Variants in IL1RAPL1 observed in about 807,000 individuals in gnomAD.
IL1RAPL1 encodes interleukin-1 receptor accessory protein-like 1.
A neutral mutation model predicts 48.4 loss-of-function variants in IL1RAPL1; 3 were observed. The ratio of observed to expected loss-of-function variants is 0.06; its 90% CI spans 0.03 to 0.16. The LOEUF is 0.16. Ranked by LOEUF, IL1RAPL1 falls within the 10% of genes least tolerant of loss-of-function variation. The pLI is 1.00. For synonymous variants in IL1RAPL1, 185 were observed against 187.7 expected, an observed-to-expected ratio of 0.99 and a Z score of 0.12; for missense variants, 349 against 530.6, an observed-to-expected ratio of 0.66 and a Z score of 3.36.
At chrX:29,451,379 G>C (rs2147726829) in intron 5 of IL1RAPL1, among the ~76,000 whole-genome samples, 1 of 109,424 alleles carries the variant, frequency 9.1e-6, no homozygotes, top group East Asian at 2.9e-4. Flanking sequence ...ATTTTTAATA[G>C]AGACGGGGTT....
At chrX:29,635,769 G>C (rs139236590) in intron 5 of IL1RAPL1, among the ~76,000 whole-genome samples, 12,001 of 107,652 alleles carry the variant, frequency 0.11, 538 homozygotes, top group East Asian at 0.23. Flanking sequence ...AAATTTAGAT[G>C]TTAAATATGT....
intron 1 of IL1RAPL1, among the ~76,000 whole-genome samples, chrX:28,743,371 C>A (rs1421276006): frequency 9.0e-6 from 1 of 111,417 alleles, no homozygotes; most frequent in Non-Finnish European, 1.9e-5. Flanking sequence ...ATGACTTTTC[C>A]GAAACATAAT....
chrX:29,901,830 A>G (rs1932501742), intron 6 of IL1RAPL1, among the ~76,000 whole-genome samples: 1 of 112,613 alleles, frequency 8.9e-6, no homozygotes, highest in Non-Finnish European at 1.9e-5. Flanking sequence ...TGTAATTAAA[A>G]GAGCAGAAAT....
At chrX:29,385,172 C>T (rs1933758687) in intron 3 of IL1RAPL1, among the ~76,000 whole-genome samples, 1 of 112,126 alleles carries the variant, frequency 8.9e-6, no homozygotes, top group South Asian at 3.7e-4. Context: ...AAATTATTTA[C>T]CCATGGGCGC....
chrX:28,858,708 C>A (rs1329912473), intron 2 of IL1RAPL1, among the ~76,000 whole-genome samples: 1 of 112,490 alleles, frequency 8.9e-6, no homozygotes, highest in Non-Finnish European at 1.9e-5. Flanking sequence ...AAAATTTGCG[C>A]AACTCGCGTT....
chrX:28,764,119 G>A (rs1270803791), intron 1 of IL1RAPL1, among the ~76,000 whole-genome samples: 1 of 111,039 alleles, frequency 9.0e-6, no homozygotes, highest in Non-Finnish European at 1.9e-5. Flanking sequence ...CCTCATCCTT[G>A]CCTGTTCTGG....
intron 2 of IL1RAPL1, among the ~76,000 whole-genome samples, chrX:28,847,136 T>C (rs1250274463): frequency 9.0e-6 from 1 of 111,629 alleles, no homozygotes; most frequent in Non-Finnish European, 1.9e-5. Context: ...GTAGTAACTT[T>C]ATCCTTTCAG....
chrX:29,476,652 A>T (rs1254183562), intron 5 of IL1RAPL1, among the ~76,000 whole-genome samples: 1 of 110,095 alleles, frequency 9.1e-6, no homozygotes, highest in Non-Finnish European at 1.9e-5. Flanking sequence ...TGATGCCTTA[A>T]TATTAACTGA....
chrX:28,878,018 A>G (rs2147312432), intron 2 of IL1RAPL1, among the ~76,000 whole-genome samples: 1 of 112,461 alleles, frequency 8.9e-6, no homozygotes, highest in Admixed American at 9.5e-5. Context: ...CATAATGCAG[A>G]TATTGTCAAG....
At chrX:29,642,971 T>A (rs1051607283) in intron 5 of IL1RAPL1, among the ~76,000 whole-genome samples, 3 of 112,086 alleles carry the variant, frequency 2.7e-5, no homozygotes, top group African/African-American at 9.7e-5. Flanking sequence ...CAGCAATTTA[T>A]CAGACTCGAC....
chrX:29,837,272 A>AAATATATAT (rs1447926305), intron 6 of IL1RAPL1, among the ~76,000 whole-genome samples: 5 of 72,124 alleles, frequency 6.9e-5, no homozygotes, highest in African/African-American at 2.9e-4. Flanking sequence ...AAAAAAAAAA[A>AAATATATAT]ATATATATAT....
At chrX:29,775,143 G>C (rs957558000) in intron 6 of IL1RAPL1, among the ~76,000 whole-genome samples, 1 of 111,501 alleles carries the variant, frequency 9.0e-6, no homozygotes, top group African/African-American at 3.3e-5. Flanking sequence ...CAAGGGCTAT[G>C]AGCTTGAGAG....
chrX:29,603,440 C>T (rs1055715551), intron 5 of IL1RAPL1, among the ~76,000 whole-genome samples: 1 of 111,824 alleles, frequency 8.9e-6, no homozygotes, highest in African/African-American at 3.3e-5. Flanking sequence ...GTTAGCTGAT[C>T]TTAGGAAACC....
chrX:28,958,733 C>T (rs1047569736), intron 2 of IL1RAPL1, among the ~76,000 whole-genome samples: 3 of 111,564 alleles, frequency 2.7e-5, no homozygotes, highest in African/African-American at 9.8e-5. Context: ...CAAACAGACC[C>T]CCACCAACAG....
chrX:28,657,599 C>A (rs895841821), intron 1 of IL1RAPL1, among the ~76,000 whole-genome samples: 8 of 112,456 alleles, frequency 7.1e-5, no homozygotes, highest in African/African-American at 2.6e-4. Flanking sequence ...AGACCTTTTC[C>A]CTTTAATAAA....
At chrX:29,431,406 GA>G (rs1200746378) in intron 5 of IL1RAPL1, among the ~76,000 whole-genome samples, 8 of 111,923 alleles carry the variant, frequency 7.1e-5, no homozygotes, top group South Asian at 7.3e-4. Flanking sequence ...GTATGCTAAT[GA>G]CTTTTTGTTT....
At chrX:28,744,788 T>A (rs1478706660) in intron 1 of IL1RAPL1, among the ~76,000 whole-genome samples, 1 of 111,520 alleles carries the variant, frequency 9.0e-6, no homozygotes, top group Non-Finnish European at 1.9e-5. Context: ...ACCATGGATA[T>A]GGATTGGATT....
intron 1 of IL1RAPL1, among the ~76,000 whole-genome samples, chrX:28,759,248 A>AAT (rs1555920366): frequency 1.3e-4 from 14 of 109,874 alleles, no homozygotes; most frequent in African/African-American, 4.0e-4. Flanking sequence ...CAAAAAAAAA[A>AAT]AATAATAATA....
intron 5 of IL1RAPL1, among the ~76,000 whole-genome samples, chrX:29,638,460 T>G (rs1464723255): frequency 9.0e-6 from 1 of 111,390 alleles, no homozygotes; most frequent in East Asian, 2.8e-4. Flanking sequence ...ATTTAAAGAC[T>G]AGTTGTTAAG....
Sources: gnomAD v4.1 joint callset for allele counts (sites outside exome capture counted in the v4.1 genomes callset) on GRCh38, gnomAD v4.1.1 for gene constraint, MANE v1.5 for transcripts, NCBI Gene and HGNC (gene_info 2026-07-23, HGNC 2026-07-21) for gene names.